Variants in CDH1 observed in about 807,000 individuals in gnomAD.
The protein encoded by CDH1 is cadherin-1.
A neutral mutation model predicts 84.5 loss-of-function variants in CDH1; 35 were observed. That is an observed-to-expected ratio of 0.41 (90% confidence interval 0.32 to 0.55). CDH1 has a LOEUF of 0.55. Ranked by LOEUF, CDH1 falls within the 20% of genes least tolerant of loss-of-function variation. CDH1 has a pLI of 0.19. For synonymous variants in CDH1, 417 were observed against 439.0 expected, an observed-to-expected ratio of 0.95 and a Z score of 0.63; for missense variants, 994 against 1,126.6, an observed-to-expected ratio of 0.88 and a Z score of 1.68.
At chr16:68,825,597 G>A (rs991115141) in intron 13 of CDH1, among the ~76,000 whole-genome samples, 1 of 152,134 alleles carries the variant, frequency 6.6e-6, no homozygotes, top group Non-Finnish European at 1.5e-5. Context: ...GGATAGTGCT[G>A]TTGAGAATTG....
At chr16:68,825,613 G>C (rs1024288655) in intron 13 of CDH1, among the ~76,000 whole-genome samples, 1 of 152,094 alleles carries the variant, frequency 6.6e-6, no homozygotes, top group Admixed American at 6.6e-5. Flanking sequence ...AATTGAGCAA[G>C]CCTTCTGGAC....
chr16:68,813,289 A>G lies in CDH1; in HGVS notation c.1138-24A>G, dbSNP rs766347548. 2.8e-5 allele frequency: 45 copies of G among 1,613,146 alleles called. No homozygotes were observed. In the South Asian group the frequency reaches 4.7e-4, roughly 17 times the overall value. On this transcript the variant is annotated intron_variant, in intron 8 of 15. Coordinates refer to ENST00000261769, the MANE Select transcript of CDH1 (RefSeq NM_004360.5). The stretch of plus-strand genomic sequence containing the variant: ...TGCTAGCAGTCTTGGTACTTTGTAA[A>G]TGACACATCTCTTTGCTCTGCAGTA...
At chr16:68,832,611 G>C (rs2152143511) in intron 15 of CDH1, among the ~76,000 whole-genome samples, 1 of 152,294 alleles carries the variant, frequency 6.6e-6, no homozygotes, top group South Asian at 2.1e-4. Flanking sequence ...CCTGAGATCA[G>C]GAGTTAGAGA....
chr16:68,826,762 T>A (rs1403950701), intron 13 of CDH1, among the ~76,000 whole-genome samples: 1 of 152,194 alleles, frequency 6.6e-6, no homozygotes, highest in Non-Finnish European at 1.5e-5. Flanking sequence ...AAACTGCCTC[T>A]TGCTTTGCAT....
At position 68,833,924 on chromosome 16, in the gene CDH1, G is replaced by C. The variant is rs1461626911; in HGVS notation, c.*425G>C. ...ATAATTTTTTAAAAAAAATTTGTGT[G>C]CTTCTGCTCATTACTACACTGGTGT... On this transcript the variant is annotated 3_prime_UTR_variant, in exon 16 of 16. Transcript: ENST00000261769. The C allele has an allele frequency of 3.0e-6, 1 of 332,596 alleles. No individual in the cohort carries two copies. The highest frequency in any genetic ancestry group is 5.6e-6 in the Non-Finnish European group (1 of 178,864). The allele number at this position is 332,596 out of a possible 1,614,324, so 20.6% of individuals were successfully genotyped here.
At chr16:68,755,954 G>A (rs1211346376) in intron 2 of CDH1, among the ~76,000 whole-genome samples, 1 of 151,684 alleles carries the variant, frequency 6.6e-6, no homozygotes, top group African/African-American at 2.4e-5. Context: ...CGTAGAGACG[G>A]GGTTTCACCA....
chr16:68,762,185 A>G (rs1203103751), intron 2 of CDH1, among the ~76,000 whole-genome samples: 2 of 151,550 alleles, frequency 1.3e-5, no homozygotes, highest in East Asian at 3.9e-4. Context: ...CACTGGGGAC[A>G]CCTCCCAGTG....
In CDH1 at chr16:68,811,808, T is replaced by A. The variant is rs549252135; in HGVS notation, c.957T>A (p.Ile319=). The A allele has an allele frequency of 2.5e-5, 41 of 1,614,084 alleles. No homozygotes were observed. Among genetic ancestry groups the A allele is most frequent in the Non-Finnish European group, 3.3e-5 (39 of 1,180,038 alleles). ...PELPDKNMFT[I]NRNTGVISVV... Reference sequence around the variant, plus strand: ...TCCCTGACAAAAATATGTTCACCATTAACAGGAACACAGGAGTCATCAGTG... The same window carrying A: ...TCCCTGACAAAAATATGTTCACCATAAACAGGAACACAGGAGTCATCAGTG... Residue 319 remains isoleucine (I), a synonymous_variant, in exon 7 of 16, where the codon ATT becomes ATA. Coordinates refer to ENST00000261769, the MANE Select transcript of CDH1 (RefSeq NM_004360.5).
chr16:68,779,043 C>A (rs1959805693), intron 2 of CDH1, among the ~76,000 whole-genome samples: 1 of 152,178 alleles, frequency 6.6e-6, no homozygotes. Context: ...CCAAAAAGCC[C>A]TATCACCTGC....
chr16:68,786,553 T>TTTTTTTTTTGTTTTTTTTTTG (rs61598459), intron 2 of CDH1, among the ~76,000 whole-genome samples: 1 of 113,176 alleles, frequency 8.8e-6, no homozygotes, highest in Non-Finnish European at 1.9e-5. Context: ...TTTTTTTTTT[T>TTTTTTTTTTGTTTTTTTTTTG]GGTATTCAGG....
intron 15 of CDH1, among the ~76,000 whole-genome samples, chr16:68,830,644 T>C (rs1005316605): frequency 2.0e-5 from 3 of 152,164 alleles, no homozygotes; most frequent in Non-Finnish European, 4.4e-5. Context: ...TTCTGCTCCA[T>C]CATCTTAGCA....
rs752439219 is a variant in CDH1 at position 68,829,811 on chromosome 16, G to A, written c.2439+14G>A. The A allele has an allele frequency of 9.3e-6, 15 of 1,613,144 alleles. No individual in the cohort carries two copies. The highest frequency in any genetic ancestry group is 8.8e-5 in the South Asian group (8 of 91,078). The stretch of plus-strand genomic sequence containing the variant: ...TTTATTGATGAAGTAAGTAATCCAC[G>A]TGGAAAGCCAAAGCATGGCTCATCT... On this transcript the variant is annotated intron_variant, in intron 15 of 15. Coordinates refer to ENST00000261769, the MANE Select transcript of CDH1 (RefSeq NM_004360.5).
chr16:68,827,777 C>G (rs1358012412), intron 13 of CDH1, among the ~76,000 whole-genome samples: 2 of 152,016 alleles, frequency 1.3e-5, no homozygotes, highest in Non-Finnish European at 2.9e-5. Flanking sequence ...TGTCTCTTCC[C>G]CTCATGCACC....
rs200911775 is a variant in CDH1, at chr16:68,833,485, G to C, written c.2635G>C (p.Gly879Arg). The C allele has an allele frequency of 1.2e-6, 2 of 1,613,784 alleles. No homozygotes were observed. ...GAAGCTGGCTGACATGTACGGAGGC[G>C]GCGAGGACGACTAGGGGACTCGAGA... ...FKKLADMYGG[G>R]EDD Residue 879 changes from glycine (G) to arginine (R), a missense_variant, in exon 16 of 16, where the codon GGC becomes CGC. Transcript: ENST00000261769.
chr16:68,777,849 A>G (rs1253108028), intron 2 of CDH1, among the ~76,000 whole-genome samples: 1 of 151,730 alleles, frequency 6.6e-6, no homozygotes, highest in East Asian at 1.9e-4. Flanking sequence ...CTCCTGCCTC[A>G]GCCTCCCAAG....
At chr16:68,762,823 C>T (rs1462841852) in intron 2 of CDH1, among the ~76,000 whole-genome samples, 1 of 144,118 alleles carries the variant, frequency 6.9e-6, no homozygotes, top group African/African-American at 2.6e-5. Context: ...GCAGGAGAAT[C>T]GCTTGAACCC....
chr16:68,787,648 A>G (rs1170367142), intron 2 of CDH1, among the ~76,000 whole-genome samples: 1 of 149,514 alleles, frequency 6.7e-6, no homozygotes, highest in Non-Finnish European at 1.5e-5. Flanking sequence ...CCAGCCTATA[A>G]CTATTGTTTT....
At chr16:68,789,036 G>A (rs909083529) in intron 2 of CDH1, among the ~76,000 whole-genome samples, 2 of 151,772 alleles carry the variant, frequency 1.3e-5, no homozygotes, top group African/African-American at 4.8e-5. Flanking sequence ...AAGAAAGTTG[G>A]ACAGGAAGAT....
intron 2 of CDH1, among the ~76,000 whole-genome samples, chr16:68,758,810 T>TC (rs1491090184): frequency 2.8e-5 from 2 of 72,102 alleles, no homozygotes; most frequent in African/African-American, 5.4e-5. Flanking sequence ...TTGAGTGCAA[T>TC]TTTTTTTTTT....
Sources: allele counts gnomAD v4.1 joint callset (sites outside exome capture counted in the v4.1 genomes callset), GRCh38; gene constraint gnomAD v4.1.1; transcripts MANE v1.5; gene names NCBI Gene and HGNC (gene_info 2026-07-23, HGNC 2026-07-21).